The following PIEZO2 variants were observed in gnomAD, a reference collection of about 807,000 sequenced individuals.
The protein encoded by PIEZO2 is piezo-type mechanosensitive ion channel component 2.
A neutral mutation model predicts 337.3 loss-of-function variants in PIEZO2; 172 were observed. The ratio of observed to expected loss-of-function variants is 0.51; its 90% confidence interval spans 0.45 to 0.58. PIEZO2 has a LOEUF of 0.58. PIEZO2 is among the 20% of genes least tolerant of loss of function. The pLI, the probability that PIEZO2 is intolerant of heterozygous loss-of-function variation, is 0.00. For synonymous variants in PIEZO2, 1,251 were observed against 1,228.5 expected (o/e 1.02, Z -0.38); for missense variants, 3,028 against 3,391.3 (o/e 0.89, Z 2.66).
intron 37 of PIEZO2, 67 bp from the exon 38 acceptor site, chr18:10,715,883 C>T: frequency 1.5e-6 from 2 of 1,313,854 alleles, no homozygotes; most frequent in Non-Finnish European, 2.1e-6. Flanking sequence ...TTTGTGTAGC[C>T]CAGCGATGTT....
rs1480516419 is a variant in PIEZO2, at chr18:10,736,666, C to T, written c.4753G>A (p.Glu1585Lys). The T allele has an allele frequency of 6.5e-7, 1 of 1,536,936 alleles. No homozygotes were observed. The highest frequency in any genetic ancestry group is 8.7e-7 in the Non-Finnish European group (1 of 1,146,768). Residue 1585 changes from glutamate (E) to lysine (K), a missense_variant, in exon 34 of 56, where the codon GAG (glutamate) becomes AAG (lysine). Around this residue, in one of 5 missense-constraint regions of PIEZO2, gnomAD observed 1,925 missense variants for 2,051.9 expected, o/e 0.94. Transcript: ENST00000674853. ...DYYLFETDSEEEEEEELKKED... is the reference protein window; with the variant it reads ...DYYLFETDSEKEEEEELKKED... ...TTCTTTAATTCTTCCTCTTCCTCCT[C>T]TTCACTATCCGTTTCAAACAAATAA...
Position 11,002,093 on chromosome 18 carries a change from A to T in PIEZO2, c.161-22433T>A, listed in dbSNP as rs1253845133. ...ATGACTCAATTCTGCTACTGTAGCA[A>T]ATAGCCATAGAAAATACATGGACGA... On this transcript the variant is annotated intron_variant, in intron 2 of 55. Transcript: ENST00000674853. The surrounding 1 kb of genome is among the most constrained non-coding windows in gnomAD (Gnocchi z 4.3). 2.6e-5 allele frequency among the ~76,000 whole-genome samples: 4 copies of T among 152,244 alleles called. No individual in the cohort carries two copies. Among genetic ancestry groups the T allele is most frequent in the Non-Finnish European group, 4.4e-5 (3 of 68,038 alleles).
At position 10,833,932 on chromosome 18, in the gene PIEZO2, T is replaced by G. The variant is rs1001698107; in HGVS notation, c.917+21421A>C. On this transcript the variant is annotated intron_variant, in intron 7 of 55. Coordinates refer to ENST00000674853, the MANE Select transcript of PIEZO2 (RefSeq NM_001378183.1). The surrounding 1 kb of genome is among the most constrained non-coding windows in gnomAD (Gnocchi z 4.7). ...GTTGCTTTTCTACAGACCTCAAAACTTTTCCATGCAGTAGAAGAGCAGAAT... is the reference window on the plus strand; with the variant it reads ...GTTGCTTTTCTACAGACCTCAAAACGTTTCCATGCAGTAGAAGAGCAGAAT... 6.6e-6 allele frequency among the ~76,000 whole-genome samples: 1 copy of G among 152,230 alleles called. No homozygotes were observed. The highest frequency in any genetic ancestry group is 1.5e-5 in the Non-Finnish European group (1 of 68,038).
At chr18:10,765,835 G>A (rs2038330068) in intron 21 of PIEZO2, among the ~76,000 whole-genome samples, 1 of 152,074 alleles carries the variant, frequency 6.6e-6, no homozygotes, top group Admixed American at 6.5e-5. Flanking sequence ...GGAAGCTGGT[G>A]GGAAGGGCGG....
chr18:10,677,041 G>A lies in PIEZO2; in HGVS notation c.8081+706C>T, dbSNP rs937896377. ...ATGAGAATCAGCATGATGATTTCTA[G>A]TGTGCCCCAAAATGGGTCCCAATAG... On this transcript the variant is annotated intron_variant, in intron 53 of 55. Transcript: ENST00000674853. The surrounding 1 kb of genome is among the most constrained non-coding windows in gnomAD (Gnocchi z 4.1). 6.6e-5 allele frequency among the ~76,000 whole-genome samples: 10 copies of A among 152,138 alleles called. No individual in the cohort carries two copies. Among genetic ancestry groups the A allele is most frequent in the Admixed American group, 3.3e-4 (5 of 15,282 alleles).
intron 3 of PIEZO2, among the ~76,000 whole-genome samples, chr18:10,922,881 T>A (rs1442409416): frequency 6.6e-6 from 1 of 152,168 alleles, no homozygotes; most frequent in African/African-American, 2.4e-5. Context: ...TTTTAGACAA[T>A]TTAGAAAATA....
chr18:10,787,995 A>G (rs972750141), intron 15 of PIEZO2, among the ~76,000 whole-genome samples: 1 of 152,236 alleles, frequency 6.6e-6, no homozygotes, highest in Admixed American at 6.5e-5. Flanking sequence ...GAGCAGGCAC[A>G]TGCCACACAT....
Position 10,722,957 on chromosome 18 carries a change from A to ATTTT in PIEZO2, c.5030-4702_5030-4699dup, listed in dbSNP as rs36042609. On this transcript the variant is annotated intron_variant, in intron 36 of 55. Transcript: ENST00000674853. ...GACAGCATGTGTCCAGGATGCAGTG[A>ATTTT]TTTTTTTTTTTTTTTTTTTTTTTTT... 4.4e-4 allele frequency among the ~76,000 whole-genome samples: 37 copies of ATTTT among 84,336 alleles called. 1 individual carries two copies. The highest frequency in any genetic ancestry group is 6.0e-4 in the Non-Finnish European group (27 of 45,164). The allele number at this position is 84,336 out of a possible 152,430, so 55.3% of individuals were successfully genotyped here.
intron 3 of PIEZO2, among the ~76,000 whole-genome samples, chr18:10,978,859 C>G (rs1029834962): frequency 6.6e-6 from 1 of 152,044 alleles, no homozygotes; most frequent in Admixed American, 6.5e-5. Context: ...TCTGTTTTTT[C>G]AAGTAACAAT....
At chr18:10,691,784 T>TATATATATATATATATATATATATAC in intron 47 of PIEZO2, among the ~76,000 whole-genome samples, 1 of 5,512 alleles carries the variant, frequency 1.8e-4, no homozygotes, top group South Asian at 0.011. Context: ...CACACACACA[T>TATATATATATATATATATATATATAC]ATATATATAT....
At chr18:10,702,424 C>A (rs2035381417) in intron 42 of PIEZO2, among the ~76,000 whole-genome samples, 1 of 152,184 alleles carries the variant, frequency 6.6e-6, no homozygotes, top group Non-Finnish European at 1.5e-5. Flanking sequence ...CTTCTCAGGG[C>A]ACCGCTTTGA....
intron 1 of PIEZO2, among the ~76,000 whole-genome samples, chr18:11,082,181 A>C (rs2145989900): frequency 6.6e-6 from 1 of 152,358 alleles, no homozygotes; most frequent in East Asian, 1.9e-4. Flanking sequence ...GACCTAACAT[A>C]GGAAATCTAA....
Position 10,903,594 on chromosome 18 carries a change from C to T in PIEZO2, c.329+7592G>A, listed in dbSNP as rs2043103673. Among the ~76,000 whole-genome samples, 2 of 151,824 alleles carry T rather than the reference C, an allele frequency of 1.3e-5. No homozygotes were observed. The highest frequency in any genetic ancestry group is 1.3e-4 in the Admixed American group (2 of 15,244). On this transcript the variant is annotated intron_variant, in intron 4 of 55. Transcript: ENST00000674853. The surrounding 1 kb of genome is among the most constrained non-coding windows in gnomAD (Gnocchi z 4.1). ...CTGAGGCAGGAGAATGGCATGAACCCAGGAGGAGGCAGAGCTTGCAGTGAG... is the reference window on the plus strand; with the variant it reads ...CTGAGGCAGGAGAATGGCATGAACCTAGGAGGAGGCAGAGCTTGCAGTGAG...
rs149905828 is a variant in PIEZO2, at chr18:10,815,719, AAGG to A, written c.918-8448_918-8446del. On this transcript the variant is annotated intron_variant, in intron 7 of 55. Coordinates refer to ENST00000674853, the MANE Select transcript of PIEZO2 (RefSeq NM_001378183.1). The surrounding 1 kb of genome is among the most constrained non-coding windows in gnomAD (Gnocchi z 4.1). Reference sequence around the variant, plus strand: ...TGCTCTCACTCAGGAACAAGAGAAGAAGGAGAACAGTCTTCTGATGGTACATTA... The same window carrying A: ...TGCTCTCACTCAGGAACAAGAGAAGAAGAACAGTCTTCTGATGGTACATTA... Among the ~76,000 whole-genome samples the A allele has an allele frequency of 5.3e-4, 80 of 152,352 alleles. No homozygotes were observed. In the East Asian group the frequency reaches 0.015, roughly 28 times the overall value.
At chr18:10,712,532 A>G (rs1441535147) in intron 39 of PIEZO2, among the ~76,000 whole-genome samples, 2 of 152,254 alleles carry the variant, frequency 1.3e-5, no homozygotes, top group Non-Finnish European at 2.9e-5. Flanking sequence ...ATAAAATTCA[A>G]AATAAAGAAT....
intron 4 of PIEZO2, among the ~76,000 whole-genome samples, chr18:10,886,487 C>CATATATATATATAATGTGTGTATATAT: frequency 2.2e-5 from 1 of 45,890 alleles, no homozygotes; most frequent in Admixed American, 2.9e-4. Context: ...ATATCCAAAC[C>CATATATATATATAATGTGTGTATATAT]ATATATATAT....
chr18:10,762,749 G>A, intron 22 of PIEZO2, 124 bp from the exon 23 acceptor site: 1 of 1,338,810 alleles, frequency 7.5e-7, no homozygotes, highest in Non-Finnish European at 1.0e-6. Context: ...CCCATTTCAG[G>A]GGAGACCTCA....
Position 10,673,816 on chromosome 18 carries a change from A to C in PIEZO2, c.8162-943T>G, listed in dbSNP as rs1003431976. On this transcript the variant is annotated intron_variant, in intron 54 of 55. Coordinates refer to ENST00000674853, the MANE Select transcript of PIEZO2 (RefSeq NM_001378183.1). The surrounding 1 kb of genome is among the most constrained non-coding windows in gnomAD (Gnocchi z 4.8). Reference sequence around the variant, plus strand: ...CTAAATTCCTAGATCACAGGTGTCCAATCTTTTGGGTTCGCTGGGCCACAT... The same window carrying C: ...CTAAATTCCTAGATCACAGGTGTCCCATCTTTTGGGTTCGCTGGGCCACAT... Among the ~76,000 whole-genome samples the C allele has an allele frequency of 6.6e-6, 1 of 152,212 alleles. No homozygotes were observed. The highest frequency in any genetic ancestry group is 2.4e-5 in the African/African-American group (1 of 41,456).
In PIEZO2 at chr18:10,696,190, C is replaced by A. The variant is rs1567957484; in HGVS notation, c.7074G>T (p.Val2358=). The A allele has an allele frequency of 6.2e-7, 1 of 1,613,882 alleles. No individual in the cohort carries two copies. Among genetic ancestry groups the A allele is most frequent in the Non-Finnish European group, 8.5e-7 (1 of 1,179,832 alleles). ...TCCTGAGGTAGAGGGCTCGGTCCACCACCATGGTTCCAAACTGAATGAGGA... is the reference window on the plus strand; with the variant it reads ...TCCTGAGGTAGAGGGCTCGGTCCACAACCATGGTTCCAAACTGAATGAGGA... ...VMVLIQFGTM[V]VDRALYLRKT... is the part of the protein sequence containing the mutation. Residue 2358 remains valine, a synonymous_variant, in exon 47 of 56, where the codon GTG becomes GTT. Coordinates refer to ENST00000674853, the MANE Select transcript of PIEZO2 (RefSeq NM_001378183.1).
Sources: allele counts gnomAD v4.1 joint callset (sites outside exome capture counted in the v4.1 genomes callset), GRCh38; gene constraint gnomAD v4.1.1; regional missense constraint gnomAD v4.1.1; non-coding constraint Gnocchi (gnomAD v3.1); transcripts MANE v1.5; gene names NCBI Gene and HGNC (gene_info 2026-07-23, HGNC 2026-07-21).